The following SLC25A26 variants were observed in gnomAD, a reference collection of about 807,000 sequenced individuals.
SLC25A26 encodes mitochondrial S-adenosylmethionine carrier protein.
SLC25A26 carries 36 observed loss-of-function variants against 37.8 expected under a neutral mutation model. The observed-to-expected ratio is 0.95, with a 90% confidence interval of 0.73 to 1.26. SLC25A26 has a LOEUF of 1.26. Ranked by LOEUF, SLC25A26 falls within the 50% of genes most tolerant of loss-of-function variation. The probability of loss-of-function intolerance (pLI) is 0.00; values close to 1 mark genes in which losing one functional copy is unlikely to be tolerated. For missense variants in SLC25A26, 390 were observed against 331.1 expected (o/e 1.18, Z -1.38); for synonymous variants, 129 against 122.5 (o/e 1.05, Z -0.35).
chr3:66,304,115 G>T (rs981518162), intron 5 of SLC25A26, among the ~76,000 whole-genome samples: 3 of 152,200 alleles, frequency 2.0e-5, no homozygotes. Flanking sequence ...GCCCATCCAC[G>T]ATAATTTCCC....
chr3:66,213,814 T>C (rs990977249), intron 1 of SLC25A26, among the ~76,000 whole-genome samples: 144,791 of 152,104 alleles, frequency 0.95, 69,343 homozygotes, highest in East Asian at 1. Flanking sequence ...TCTGTAGTCC[T>C]AACTATTTGG....
intron 1 of SLC25A26, among the ~76,000 whole-genome samples, chr3:66,183,188 C>T (rs1336735841): frequency 6.6e-6 from 1 of 151,984 alleles, no homozygotes; most frequent in East Asian, 1.9e-4. Flanking sequence ...CTAATCCTTT[C>T]GCTGACCCTG....
At chr3:66,178,318 G>T (rs1311225198) in intron 1 of SLC25A26, among the ~76,000 whole-genome samples, 2 of 152,108 alleles carry the variant, frequency 1.3e-5, no homozygotes, top group South Asian at 2.1e-4. Context: ...CTCATGGAAG[G>T]GATAGTCTGA....
intron 2 of SLC25A26, among the ~76,000 whole-genome samples, chr3:66,242,026 C>T (rs782218446): frequency 7.2e-5 from 11 of 151,858 alleles, no homozygotes; most frequent in Non-Finnish European, 1.2e-4. Context: ...CTGACATTTG[C>T]AGTTAGTAGA....
At chr3:66,195,618 G>C (rs1238043747) in intron 1 of SLC25A26, among the ~76,000 whole-genome samples, 1 of 152,232 alleles carries the variant, frequency 6.6e-6, no homozygotes, top group African/African-American at 2.4e-5. Context: ...GCTGCCGAGC[G>C]AGGAGCGCAC....
chr3:66,229,312 A>G lies in SLC25A26; in HGVS notation c.34-7232A>G, dbSNP rs552221357. Among the ~76,000 whole-genome samples, 3 of 152,310 alleles carry G rather than the reference A, an allele frequency of 2.0e-5. No homozygotes were observed. The East Asian group carries it at 5.8e-4, about 29-fold the overall frequency. ...TTCATGTGTCAAGAAACAAAGGCTT[A>G]GAGAGGTTAGTTTCCCTAAGAAGAC... On this transcript the variant is annotated intron_variant, in intron 1 of 9. Transcript: ENST00000354883.
At chr3:66,211,510 C>G (rs1265497395) in intron 1 of SLC25A26, among the ~76,000 whole-genome samples, 2 of 152,170 alleles carry the variant, frequency 1.3e-5, no homozygotes, top group Non-Finnish European at 2.9e-5. Flanking sequence ...CTTAATATAG[C>G]TTGCACTTAT....
At chr3:66,322,143 A>T (rs1320672866) in intron 5 of SLC25A26, among the ~76,000 whole-genome samples, 1 of 152,148 alleles carries the variant, frequency 6.6e-6, no homozygotes, top group East Asian at 1.9e-4. Flanking sequence ...GTATGAAATG[A>T]ACTTTGAAGA....
chr3:66,369,214 C>T (rs1242386372), intron 7 of SLC25A26, among the ~76,000 whole-genome samples: 1 of 152,122 alleles, frequency 6.6e-6, no homozygotes, highest in East Asian at 1.9e-4. Context: ...CATTAGTTTG[C>T]TAGTTAATGA....
rs1177655661 is a variant in SLC25A26 at position 66,165,533 on chromosome 3, T to G, written c.-354+31549T>G. Among the ~76,000 whole-genome samples the G allele has an allele frequency of 3.3e-5, 5 of 151,540 alleles. 1 individual carries two copies. The highest frequency in any genetic ancestry group is 1.2e-4 in the African/African-American group (5 of 41,316). On this transcript the variant is annotated intron_variant, in intron 1 of 10. Transcript: ENST00000676754. ...CTAGTAAGATGGTGAGGTCTAGGGG[T>G]GGGGGTGATGAGGGAAACAGCTGGC...
intron 5 of SLC25A26, among the ~76,000 whole-genome samples, chr3:66,287,132 T>A (rs566130996): frequency 6.6e-6 from 1 of 152,098 alleles, no homozygotes; most frequent in South Asian, 2.1e-4. Flanking sequence ...CCATCTCTAC[T>A]AAAAATACAA....
At position 66,370,522 on chromosome 3, in the gene SLC25A26, C is replaced by T; in HGVS notation, c.634-7C>T. 1 of 1,613,060 alleles carries T rather than the reference C, an allele frequency of 6.2e-7. No homozygotes were observed. ...GATAACGGGTTTCTCTTTGTCTGTT[C>T]ACACAGGCTGGCTCCAGCACTGCTG... On this transcript the variant is annotated splice_region_variant and splice_polypyrimidine_tract_variant and intron_variant, in intron 8 of 9. Transcript: ENST00000354883.
intron 3 of SLC25A26, among the ~76,000 whole-genome samples, chr3:66,245,265 A>C (rs76159758): frequency 3.3e-5 from 5 of 151,808 alleles, no homozygotes; most frequent in East Asian, 3.9e-4. Flanking sequence ...AAAAAAAAAA[A>C]AACAAAACCT....
chr3:66,243,476 GA>G (rs1251509936), intron 3 of SLC25A26, among the ~76,000 whole-genome samples, 164 bp downstream of exon 3: 1 of 152,158 alleles, frequency 6.6e-6, no homozygotes, highest in African/African-American at 2.4e-5. Flanking sequence ...GATAGAGCCT[GA>G]CAACTAAAAG....
At chr3:66,211,469 G>A (rs905824643) in intron 1 of SLC25A26, among the ~76,000 whole-genome samples, 7 of 152,166 alleles carry the variant, frequency 4.6e-5, no homozygotes, top group African/African-American at 7.2e-5. Context: ...AAACTTTTCC[G>A]TACTGGGAAA....
At chr3:66,372,507 C>A (rs1428180376) in intron 9 of SLC25A26, among the ~76,000 whole-genome samples, 3 of 152,148 alleles carry the variant, frequency 2.0e-5, no homozygotes, top group Non-Finnish European at 2.9e-5. Flanking sequence ...GGAGGGGTGT[C>A]TTCCTCAGGT....
chr3:66,340,002 A>G (rs988610453), intron 5 of SLC25A26, among the ~76,000 whole-genome samples: 1 of 151,844 alleles, frequency 6.6e-6, no homozygotes, highest in Non-Finnish European at 1.5e-5. Flanking sequence ...TCTTATGTTT[A>G]GTTCTTTCAT....
intron 1 of SLC25A26, among the ~76,000 whole-genome samples, chr3:66,188,444 G>A (rs1216999479): frequency 6.6e-6 from 1 of 152,112 alleles, no homozygotes; most frequent in Non-Finnish European, 1.5e-5. Context: ...GAGGGAAGGA[G>A]GGGAATGAGT....
rs563895361 is a variant in SLC25A26, at chr3:66,138,776, G to A, written c.-354+4792G>A. 1.0e-3 allele frequency among the ~76,000 whole-genome samples: 154 copies of A among 152,158 alleles called. 1 individual carries two copies. The highest frequency in any genetic ancestry group is 1.8e-3 in the Admixed American group (28 of 15,264). On this transcript the variant is annotated intron_variant, in intron 1 of 10. Coordinates refer to the SLC25A26 transcript ENST00000676754. ...TTGGGAGGTCCTGGATACGGGCATC[G>A]GTTCCTTGGCAAAGCTTGGAAGCCA...
Sources: allele counts gnomAD v4.1 joint callset (sites outside exome capture counted in the v4.1 genomes callset), GRCh38; gene constraint gnomAD v4.1.1; transcripts MANE v1.5; gene names NCBI Gene and HGNC (gene_info 2026-07-23, HGNC 2026-07-21).